The following DOCK3 variants were observed in gnomAD, a reference collection of about 807,000 sequenced individuals.
The protein encoded by DOCK3 is dedicator of cytokinesis 3, also known as dedicator of cytokinesis protein 3.
Under a neutral mutation model 265.6 loss-of-function variants are expected in DOCK3, and 60 were observed. That is an observed-to-expected ratio of 0.23 (90% CI 0.18 to 0.28). The LOEUF is 0.28. Among genes scored for constraint, DOCK3 ranks in the 10% least tolerant of loss-of-function variants. The pLI, the probability that DOCK3 is intolerant of heterozygous loss-of-function variation, is 1.00. For synonymous variants in DOCK3, 881 were observed against 938.0 expected, an observed-to-expected ratio of 0.94 and a Z score of 1.11; for missense variants, 1,981 against 2,594.3, an observed-to-expected ratio of 0.76 and a Z score of 5.14.
intron 45 of DOCK3, 40 bp from the exon 46 acceptor site, chr3:51,357,921 C>G: frequency 6.2e-7 from 1 of 1,613,604 alleles, no homozygotes; most frequent in Non-Finnish European, 8.5e-7. Context: ...TCAGGGGCTA[C>G]TCATGGTTCA....
At chr3:50,904,471 A>G (rs375623839) in intron 4 of DOCK3, among the ~76,000 whole-genome samples, 11 of 152,208 alleles carry the variant, frequency 7.2e-5, no homozygotes, top group East Asian at 3.9e-4. Context: ...GGTGTGAGAT[A>G]GTATCTCATT....
chr3:50,951,165 G>GATT (rs1178823915), intron 5 of DOCK3, among the ~76,000 whole-genome samples: 1 of 152,124 alleles, frequency 6.6e-6, no homozygotes, highest in Non-Finnish European at 1.5e-5. Flanking sequence ...CTTGTGAGAT[G>GATT]GGCATTGATA....
At chr3:50,687,720 C>T (rs763027517) in intron 1 of DOCK3, among the ~76,000 whole-genome samples, 11 of 152,146 alleles carry the variant, frequency 7.2e-5, no homozygotes, top group Non-Finnish European at 1.5e-4. Context: ...CCTCTTTGAC[C>T]TGAGTAGTGA....
chr3:51,237,703 T>G (rs1263056891), intron 21 of DOCK3, 113 bp downstream of exon 21: 6 of 908,134 alleles, frequency 6.6e-6, no homozygotes, highest in Admixed American at 2.6e-5. Flanking sequence ...TTTAAAAATT[T>G]TATATTTTTA....
At position 51,270,792 on chromosome 3, in the gene DOCK3, C is replaced by G. The variant is rs371427880; in HGVS notation, c.2356-23C>G. ...ACACACACCCTAACTCTGTGCTAAC[C>G]ACAGCTTCATTTGCTTCTGCAGGCT... On this transcript the variant is annotated intron_variant, in intron 23 of 52. Coordinates refer to ENST00000266037, the MANE Select transcript of DOCK3 (RefSeq NM_004947.5). 4 of 1,604,508 alleles carry G rather than the reference C, an allele frequency of 2.5e-6. No homozygotes were observed. The African/African-American group carries it at 4.0e-5, about 16-fold the overall frequency.
At chr3:50,883,209 A>G (rs1304814130) in intron 3 of DOCK3, among the ~76,000 whole-genome samples, 1 of 152,152 alleles carries the variant, frequency 6.6e-6, no homozygotes, top group African/African-American at 2.4e-5. Context: ...TGGCACATGT[A>G]TACATATGTA....
intron 1 of DOCK3, 52 bp from the exon 2 acceptor site, chr3:50,778,623 A>C (rs1400631804): frequency 3.7e-5 from 50 of 1,369,584 alleles, no homozygotes; most frequent in Non-Finnish European, 4.8e-5. Context: ...GACTCTGACC[A>C]TGTCTCAGTG....
intron 37 of DOCK3, among the ~76,000 whole-genome samples, chr3:51,339,979 T>C (rs2085134423): frequency 6.6e-6 from 1 of 152,194 alleles, no homozygotes; most frequent in African/African-American, 2.4e-5. Context: ...TTGGCAAGAA[T>C]TAAATCTAAA....
intron 27 of DOCK3, among the ~76,000 whole-genome samples, chr3:51,295,552 C>T (rs1410857422): frequency 2.6e-5 from 4 of 152,036 alleles, no homozygotes; most frequent in Non-Finnish European, 4.4e-5. Context: ...AAAAAAAATC[C>T]GCCAACAATT....
intron 5 of DOCK3, among the ~76,000 whole-genome samples, chr3:50,975,777 T>A (rs1302040435): frequency 6.6e-6 from 1 of 152,070 alleles, no homozygotes; most frequent in East Asian, 1.9e-4. Flanking sequence ...GGTCCTGGAC[T>A]CTTTTTGGTT....
At chr3:51,274,933 T>C in intron 24 of DOCK3, 146 bp from the exon 25 acceptor site, 1 of 891,154 alleles carries the variant, frequency 1.1e-6, no homozygotes, top group Admixed American at 2.0e-5. Flanking sequence ...TTTCAGGCCC[T>C]TGTAAGGTAA....
At position 51,077,875 on chromosome 3, in the gene DOCK3, G is replaced by C. The variant is rs2082104842; in HGVS notation, c.549+2435G>C. Among the ~76,000 whole-genome samples, 3 of 152,292 alleles carry C rather than the reference G, an allele frequency of 2.0e-5. No homozygotes were observed. The South Asian group carries it at 6.2e-4, about 32-fold the overall frequency. On this transcript the variant is annotated intron_variant, in intron 7 of 52. Coordinates refer to ENST00000266037, the MANE Select transcript of DOCK3 (RefSeq NM_004947.5). ...TATATAAGGCTCTAGGACTGAATTA[G>C]ATAACCACCTCCTTGCCCAGACCTT...
At chr3:51,320,384 G>A (rs1036314160) in intron 32 of DOCK3, among the ~76,000 whole-genome samples, 3 of 151,960 alleles carry the variant, frequency 2.0e-5, no homozygotes, top group African/African-American at 7.3e-5. Context: ...AAACTAGGTG[G>A]CCGTTTGGGC....
At chr3:50,975,402 G>A (rs9755337) in intron 5 of DOCK3, among the ~76,000 whole-genome samples, 126,459 of 145,870 alleles carry the variant, frequency 0.87, 55,194 homozygotes, top group East Asian at 0.96. Flanking sequence ...AGATAATCAT[G>A]TGGTTTTTGT....
At chr3:50,928,918 A>G (rs990015852) in intron 4 of DOCK3, among the ~76,000 whole-genome samples, 1 of 152,160 alleles carries the variant, frequency 6.6e-6, no homozygotes, top group African/African-American at 2.4e-5. Context: ...AGTTATATGA[A>G]ATATTTAGCA....
chr3:51,367,860 G>C (rs868196634), intron 49 of DOCK3, among the ~76,000 whole-genome samples: 7 of 152,182 alleles, frequency 4.6e-5, no homozygotes, highest in African/African-American at 1.7e-4. Flanking sequence ...TGAGAGATCT[G>C]CTGTTAGTCT....
rs2108758678 is a variant in DOCK3, at chr3:51,010,086, T to C, written c.316-54362T>C. On this transcript the variant is annotated intron_variant, in intron 5 of 52. Transcript: ENST00000266037. ...GTGCAATGTGGTGCTGAGAAGAATG[T>C]ATATTCTGTTGATTTGGTGTGGAGA... 1.3e-5 allele frequency among the ~76,000 whole-genome samples: 2 copies of C among 152,358 alleles called. 1 individual carries two copies. The highest frequency in any genetic ancestry group is 2.9e-5 in the Non-Finnish European group (2 of 68,032).
At chr3:50,802,065 T>A (rs1432997815) in intron 2 of DOCK3, among the ~76,000 whole-genome samples, 1 of 152,320 alleles carries the variant, frequency 6.6e-6, no homozygotes, top group Admixed American at 6.5e-5. Context: ...ATTCCTTCAG[T>A]TACAGTTTTT....
chr3:51,035,366 C>T (rs1379469260), intron 5 of DOCK3, among the ~76,000 whole-genome samples: 1 of 152,094 alleles, frequency 6.6e-6, no homozygotes, highest in Admixed American at 6.6e-5. Flanking sequence ...TGCCATTAAG[C>T]TCATGCAGTG....
Sources: allele counts gnomAD v4.1 joint callset (sites outside exome capture counted in the v4.1 genomes callset), GRCh38; gene constraint gnomAD v4.1.1; transcripts MANE v1.5; gene names NCBI Gene and HGNC (gene_info 2026-07-23, HGNC 2026-07-21).